The following DPP10 variants were observed in gnomAD, a reference collection of about 807,000 sequenced individuals.
DPP10 encodes the protein inactive dipeptidyl peptidase 10.
Under a neutral mutation model 120.9 loss-of-function variants are expected in DPP10, and 33 were observed. The ratio of observed to expected loss-of-function variants is 0.27; its 90% confidence interval spans 0.21 to 0.37. The LOEUF is 0.37. Ranked by LOEUF, DPP10 falls within the 10% of genes least tolerant of loss-of-function variation. The probability of loss-of-function intolerance (pLI) is 1.00; values close to 1 mark genes in which losing one functional copy is unlikely to be tolerated. For missense variants in DPP10, 816 were observed against 942.8 expected (o/e 0.87, Z 1.76); for synonymous variants, 337 against 326.1 (o/e 1.03, Z -0.36).
intron 1 of DPP10, among the ~76,000 whole-genome samples, chr2:115,187,213 T>G (rs2054526468): frequency 6.7e-6 from 1 of 150,298 alleles, no homozygotes; most frequent in Non-Finnish European, 1.5e-5. Flanking sequence ...ATTTTTTGTA[T>G]TTTTAGTAGA....
intron 1 of DPP10, among the ~76,000 whole-genome samples, chr2:115,119,723 C>A (rs2104728961): frequency 6.6e-6 from 1 of 152,202 alleles, no homozygotes; most frequent in East Asian, 1.9e-4. Context: ...CTAGGGTCTT[C>A]TAAAAGGATG....
intron 5 of DPP10, among the ~76,000 whole-genome samples, chr2:115,614,450 GAGTCTCACTTTCTTGC>G (rs1269245766): frequency 6.6e-6 from 1 of 152,110 alleles, no homozygotes; most frequent in African/African-American, 2.4e-5. Context: ...TTTTGGGACT[GAGTCTCACTTTCTTGC>G]CCAGGCTGGA....
At chr2:114,739,164 A>G (rs960176990) in intron 1 of DPP10, among the ~76,000 whole-genome samples, 64 of 152,186 alleles carry the variant, frequency 4.2e-4, no homozygotes, top group African/African-American at 1.5e-3. Flanking sequence ...ATGTTAGGAA[A>G]ATGATAATCT....
chr2:114,512,979 C>T (rs988981298), intron 1 of DPP10, among the ~76,000 whole-genome samples: 1 of 151,818 alleles, frequency 6.6e-6, no homozygotes, highest in South Asian at 2.1e-4. Flanking sequence ...TTGCATTTTA[C>T]TGCTTGGAAT....
intron 5 of DPP10, among the ~76,000 whole-genome samples, chr2:115,570,011 A>C (rs2081248141): frequency 6.6e-6 from 1 of 152,250 alleles, no homozygotes; most frequent in Admixed American, 6.5e-5. Context: ...TGTGATTGAA[A>C]TTACCTTACG....
chr2:115,335,569 T>C (rs898532815), intron 2 of DPP10, among the ~76,000 whole-genome samples: 1 of 152,010 alleles, frequency 6.6e-6, no homozygotes, highest in African/African-American at 2.4e-5. Context: ...AATTTATATT[T>C]CATATGTTAA....
At chr2:114,825,075 A>T (rs1686414867) in intron 1 of DPP10, among the ~76,000 whole-genome samples, 1 of 152,244 alleles carries the variant, frequency 6.6e-6, no homozygotes, top group African/African-American at 2.4e-5. Context: ...CTGTAGACAA[A>T]TGAAAAGGAA....
chr2:114,657,011 A>T (rs1230666897), intron 1 of DPP10, among the ~76,000 whole-genome samples: 5 of 152,158 alleles, frequency 3.3e-5, no homozygotes, highest in African/African-American at 1.2e-4. Flanking sequence ...AGGACTTTGC[A>T]TATGGGAAGA....
chr2:115,811,674 G>A (rs1686663806), intron 19 of DPP10, among the ~76,000 whole-genome samples: 2 of 152,122 alleles, frequency 1.3e-5, no homozygotes, highest in Non-Finnish European at 2.9e-5. Flanking sequence ...AGTTTATAAA[G>A]GTGAACAATC....
chr2:114,630,663 G>A (rs1374295422), intron 1 of DPP10, among the ~76,000 whole-genome samples: 1 of 152,158 alleles, frequency 6.6e-6, no homozygotes, highest in Non-Finnish European at 1.5e-5. Flanking sequence ...GTTTACCAAT[G>A]AGATAGCCAA....
intron 1 of DPP10, among the ~76,000 whole-genome samples, chr2:115,104,167 T>C (rs1159539445): frequency 2.1e-5 from 3 of 142,082 alleles, no homozygotes; most frequent in Non-Finnish European, 4.5e-5. Context: ...CAAATACATA[T>C]GTCTTTTTTT....
chr2:115,668,097 A>C (rs181471906), intron 5 of DPP10, among the ~76,000 whole-genome samples: 27 of 152,226 alleles, frequency 1.8e-4, no homozygotes, highest in African/African-American at 6.3e-4. Context: ...ATATATCTTC[A>C]GTACAGTAGT....
intron 1 of DPP10, among the ~76,000 whole-genome samples, chr2:114,845,868 A>C (rs1254074657): frequency 6.6e-6 from 1 of 152,096 alleles, no homozygotes; most frequent in Non-Finnish European, 1.5e-5. Context: ...CAAGAGGCAA[A>C]CTCCACTTAA....
intron 5 of DPP10, among the ~76,000 whole-genome samples, chr2:115,626,878 G>T (rs897841849): frequency 1.3e-5 from 2 of 152,154 alleles, no homozygotes; most frequent in East Asian, 3.9e-4. Context: ...ATAATGAACA[G>T]ATATTGATTT....
At chr2:114,676,339 T>C (rs1351825603) in intron 1 of DPP10, among the ~76,000 whole-genome samples, 3 of 152,188 alleles carry the variant, frequency 2.0e-5, no homozygotes, top group Non-Finnish European at 4.4e-5. Context: ...ATATCATAAA[T>C]GCCTATTTTC....
intron 3 of DPP10, among the ~76,000 whole-genome samples, chr2:115,403,932 G>A (rs2068309200): frequency 6.6e-6 from 1 of 152,082 alleles, no homozygotes; most frequent in African/African-American, 2.4e-5. Context: ...AAAATCAGTA[G>A]CTTTTCTATA....
At chr2:114,477,773 A>G (rs1399194230) in intron 1 of DPP10, among the ~76,000 whole-genome samples, 2 of 151,194 alleles carry the variant, frequency 1.3e-5, no homozygotes, top group African/African-American at 2.4e-5. Context: ...GTATATTTAT[A>G]CATACATATG....
chr2:115,299,268 T>C (rs1382915792), intron 1 of DPP10, among the ~76,000 whole-genome samples: 1 of 152,022 alleles, frequency 6.6e-6, no homozygotes, highest in Non-Finnish European at 1.5e-5. Flanking sequence ...AGAAATAGTG[T>C]TCATGTAAAG....
At chr2:114,666,272 T>C (rs1381963792) in intron 1 of DPP10, among the ~76,000 whole-genome samples, 1 of 152,182 alleles carries the variant, frequency 6.6e-6, no homozygotes, top group African/African-American at 2.4e-5. Context: ...TATATAAACA[T>C]CTCAATGCAC....
Sources: allele counts gnomAD v4.1 joint callset (sites outside exome capture counted in the v4.1 genomes callset), GRCh38; gene constraint gnomAD v4.1.1; transcripts MANE v1.5; gene names NCBI Gene and HGNC (gene_info 2026-07-23, HGNC 2026-07-21).